CUL5: variants seen among roughly 807,000 people sequenced by gnomAD.
CUL5 encodes the protein cullin 5.
A neutral mutation model predicts 108.8 loss-of-function variants in CUL5; 26 were observed. That is an observed-to-expected ratio of 0.24 (90% CI 0.18 to 0.33). The LOEUF (loss-of-function observed/expected upper bound fraction) is 0.33, where lower values mean the gene tolerates loss of function less well. Among genes scored for constraint, CUL5 ranks in the 10% least tolerant of loss-of-function variants. The probability of loss-of-function intolerance (pLI) is 1.00; values close to 1 mark genes in which losing one functional copy is unlikely to be tolerated. For missense variants in CUL5, 524 were observed against 909.2 expected, an observed-to-expected ratio of 0.58 and a Z score of 5.45; for synonymous variants, 334 against 298.0, an observed-to-expected ratio of 1.12 and a Z score of -1.25.
intron 13 of CUL5, among the ~76,000 whole-genome samples, chr11:108,093,637 C>T (rs1864412599): frequency 1.3e-5 from 2 of 152,216 alleles, no homozygotes; most frequent in African/African-American, 4.8e-5. Context: ...AATGAAACTG[C>T]ATACTTTGCT....
At chr11:108,071,636 T>A (rs973238375) in intron 8 of CUL5, among the ~76,000 whole-genome samples, 2 of 152,144 alleles carry the variant, frequency 1.3e-5, no homozygotes, top group African/African-American at 4.8e-5. Flanking sequence ...AGCCTCAGCC[T>A]CCTGGGCTTA....
At chr11:108,071,594 C>T (rs564082106) in intron 8 of CUL5, among the ~76,000 whole-genome samples, 3 of 152,182 alleles carry the variant, frequency 2.0e-5, no homozygotes, top group South Asian at 4.1e-4. Context: ...GTCACCCAGG[C>T]TGAGTGCAAT....
chr11:108,036,635 G>C (rs1429191142), intron 2 of CUL5, among the ~76,000 whole-genome samples: 3 of 152,094 alleles, frequency 2.0e-5, no homozygotes, highest in Non-Finnish European at 4.4e-5. Flanking sequence ...CCACCACTGT[G>C]CCAGGCTAAT....
At chr11:108,021,053 A>G (rs562188753) in intron 1 of CUL5, among the ~76,000 whole-genome samples, 32 of 152,222 alleles carry the variant, frequency 2.1e-4, no homozygotes, top group Non-Finnish European at 3.8e-4. Context: ...CAGCTTCAGT[A>G]CAGTTACATG....
At chr11:108,069,231 A>G (rs1220456638) in intron 7 of CUL5, among the ~76,000 whole-genome samples, 2 of 152,152 alleles carry the variant, frequency 1.3e-5, no homozygotes, top group Admixed American at 6.5e-5. Context: ...TAGTAATGCC[A>G]CTGTACTCCA....
At chr11:108,082,784 C>T (rs749728421) in intron 11 of CUL5, among the ~76,000 whole-genome samples, 13 of 151,212 alleles carry the variant, frequency 8.6e-5, no homozygotes, top group Middle Eastern at 3.4e-3. Context: ...AGGGCCATAC[C>T]ACCATGCCCG....
At chr11:108,013,303 G>A (rs1862098614) in intron 1 of CUL5, among the ~76,000 whole-genome samples, 1 of 151,738 alleles carries the variant, frequency 6.6e-6, no homozygotes, top group Non-Finnish European at 1.5e-5. Flanking sequence ...ATTTTTTTCT[G>A]GGACAGTCTT....
At chr11:108,015,322 T>C (rs1414074543) in intron 1 of CUL5, among the ~76,000 whole-genome samples, 1 of 152,202 alleles carries the variant, frequency 6.6e-6, no homozygotes, top group African/African-American at 2.4e-5. Flanking sequence ...GAACAGCCAG[T>C]GTGAAAGCAC....
intron 1 of CUL5, among the ~76,000 whole-genome samples, chr11:108,028,189 T>C (rs1242250174): frequency 6.6e-6 from 1 of 152,266 alleles, no homozygotes; most frequent in Non-Finnish European, 1.5e-5. Context: ...GAATGTATAA[T>C]AGATATGTTA....
At chr11:108,019,733 CTAA>C (rs200618012) in intron 1 of CUL5, among the ~76,000 whole-genome samples, 2,070 of 152,034 alleles carry the variant, frequency 0.014, 24 homozygotes, top group Admixed American at 0.022. Context: ...AATTATTATC[CTAA>C]TAATAATAAG....
At chr11:108,080,429 C>G (rs754910829) in intron 11 of CUL5, among the ~76,000 whole-genome samples, 11 of 151,778 alleles carry the variant, frequency 7.2e-5, no homozygotes, top group Non-Finnish European at 1.5e-4. Flanking sequence ...CGGGGCCTTG[C>G]TCTATCTCCA....
At chr11:108,048,251 CAAA>C (rs537658328) in intron 3 of CUL5, among the ~76,000 whole-genome samples, 11 of 141,526 alleles carry the variant, frequency 7.8e-5, no homozygotes, top group Middle Eastern at 3.6e-3. Flanking sequence ...TTTTAAAGAA[CAAA>C]AAAAAAAGTA....
At chr11:108,066,622 G>A (rs532858486) in intron 7 of CUL5, among the ~76,000 whole-genome samples, 9 of 152,196 alleles carry the variant, frequency 5.9e-5, no homozygotes, top group Admixed American at 2.0e-4. Flanking sequence ...GCCTTCATCA[G>A]TTTCTTCCTA....
intron 5 of CUL5, among the ~76,000 whole-genome samples, chr11:108,054,099 G>C (rs1386733534): frequency 6.6e-6 from 1 of 152,118 alleles, no homozygotes; most frequent in African/African-American, 2.4e-5. Flanking sequence ...GCCCACCTTG[G>C]CCTCCCGCAG....
chr11:108,033,939 A>G, intron 2 of CUL5, 28 bp downstream of exon 2: 1 of 1,382,404 alleles, frequency 7.2e-7, no homozygotes, highest in Non-Finnish European at 1.0e-6. Context: ...TCTGTTTGCT[A>G]GCATAAAGGA....
rs566779114 is a variant in CUL5, at chr11:108,094,457, G to C, written c.1510G>C (p.Glu504Gln). The change falls in exon 14 of 19, where the codon GAA becomes CAA. Residue 504 changes from glutamate (E) to glutamine (Q), a missense_variant. By Grantham distance (29) the Glu-to-Gln change is conservative (BLOSUM62 2). This residue lies in a region of CUL5 where 23 missense variants were observed against 19.9 expected (regional missense o/e 1.16). Transcript: ENST00000393094. Reference sequence around the variant, plus strand: ...AATGTTTCAGGACATAAAAGTATCTGAAGATTTGAACCAAGCTTTTAAGGA... The same window carrying C: ...AATGTTTCAGGACATAAAAGTATCTCAAGATTTGAACCAAGCTTTTAAGGA... ...ARMFQDIKVS[E>Q]DLNQAFKEMH... 3.2e-6 allele frequency: 5 copies of C among 1,564,380 alleles called. No individual in the cohort carries two copies. In the Admixed American group the frequency reaches 7.0e-5, roughly 22 times the overall value.
In CUL5 at chr11:108,076,535, C is replaced by T. The variant is rs551878004; in HGVS notation, c.1114-1641C>T. Among the ~76,000 whole-genome samples the T allele has an allele frequency of 4.6e-5, 7 of 152,220 alleles. No homozygotes were observed. The South Asian group carries it at 1.5e-3, about 32-fold the overall frequency. ...GGTTCTACCTATAAGTGAGATCATG[C>T]AGTATTTTTCTTCCTGTGTCTGGCT... is the stretch of plus-strand genomic sequence containing the variant. On this transcript the variant is annotated intron_variant, in intron 10 of 18. Transcript: ENST00000393094.
chr11:108,024,624 C>G (rs1862413260), intron 1 of CUL5, among the ~76,000 whole-genome samples: 1 of 152,124 alleles, frequency 6.6e-6, no homozygotes, highest in Non-Finnish European at 1.5e-5. Context: ...ATAGAAGATA[C>G]AAATGCTGAA....
intron 5 of CUL5, 98 bp from the exon 6 acceptor site, chr11:108,054,549 C>T: frequency 1.7e-5 from 13 of 778,792 alleles, no homozygotes; most frequent in African/African-American, 5.3e-5. Flanking sequence ...GCATTGTTAC[C>T]TTGCACATAA....
Sources: gnomAD v4.1 joint callset for allele counts (sites outside exome capture counted in the v4.1 genomes callset) on GRCh38, gnomAD v4.1.1 for gene constraint, gnomAD v4.1.1 regional missense constraint, MANE v1.5 for transcripts, NCBI Gene and HGNC (gene_info 2026-07-23, HGNC 2026-07-21) for gene names.